The following MCTP1 variants were observed in gnomAD, a reference collection of about 807,000 sequenced individuals.
MCTP1 encodes multiple C2 and transmembrane domain-containing protein 1.
A neutral mutation model predicts 120.6 loss-of-function variants in MCTP1; 69 were observed. That is an observed-to-expected ratio of 0.57 (90% CI 0.47 to 0.70). MCTP1 has a LOEUF of 0.70. Ranked by LOEUF, MCTP1 falls within the 30% of genes least tolerant of loss-of-function variation. The pLI is 0.00. For synonymous variants in MCTP1, 529 were observed against 493.1 expected, an observed-to-expected ratio of 1.07 and a Z score of -0.96; for missense variants, 1,203 against 1,248.8, an observed-to-expected ratio of 0.96 and a Z score of 0.55.
chr5:94,871,035 T>G, intron 14 of MCTP1, 62 bp from the exon 15 acceptor site: 1 of 1,296,666 alleles, frequency 7.7e-7, no homozygotes, highest in South Asian at 1.2e-5. Flanking sequence ...ACTCCCTCAG[T>G]GACCTTTGAC....
intron 1 of MCTP1, among the ~76,000 whole-genome samples, chr5:95,031,402 T>C (rs1483518638): frequency 1.3e-5 from 2 of 151,948 alleles, no homozygotes; most frequent in Non-Finnish European, 1.5e-5. Context: ...CCAAATTACC[T>C]ATAAAGGAAA....
At chr5:95,090,672 C>T (rs1478427157) in intron 1 of MCTP1, among the ~76,000 whole-genome samples, 1 of 152,190 alleles carries the variant, frequency 6.6e-6, no homozygotes, top group Non-Finnish European at 1.5e-5. Flanking sequence ...ATGTAAAATA[C>T]TTAGTTTAAA....
chr5:95,129,238 T>C (rs1215108490), intron 1 of MCTP1, among the ~76,000 whole-genome samples: 4 of 152,180 alleles, frequency 2.6e-5, no homozygotes, highest in East Asian at 1.9e-4. Context: ...AATCAAGTTA[T>C]TGTATTTTTA....
chr5:94,783,603 G>A, intron 18 of MCTP1, among the ~76,000 whole-genome samples: 1 of 152,090 alleles, frequency 6.6e-6, no homozygotes. Context: ...AACCAATGAT[G>A]AAAGGATGAG....
chr5:95,251,407 G>T (rs955547701), intron 1 of MCTP1, among the ~76,000 whole-genome samples: 8 of 152,204 alleles, frequency 5.3e-5, no homozygotes, highest in Admixed American at 2.6e-4. Context: ...GCCAGATCAT[G>T]CAGGTACTCA....
intron 2 of MCTP1, among the ~76,000 whole-genome samples, chr5:94,988,340 C>T (rs751900307): frequency 6.6e-6 from 1 of 151,626 alleles, no homozygotes; most frequent in Non-Finnish European, 1.5e-5. Flanking sequence ...ATTTACAAAG[C>T]TTCACAGAAT....
chr5:95,091,018 C>T (rs1016796487), intron 1 of MCTP1, among the ~76,000 whole-genome samples: 9 of 152,256 alleles, frequency 5.9e-5, no homozygotes, highest in African/African-American at 2.2e-4. Context: ...TACAGTCTAT[C>T]AATCAAATTA....
chr5:94,932,553 T>C (rs1255794424), intron 5 of MCTP1, among the ~76,000 whole-genome samples: 1 of 152,066 alleles, frequency 6.6e-6, no homozygotes, highest in Non-Finnish European at 1.5e-5. Context: ...ATTAGTTAGC[T>C]TGTGTCATAC....
chr5:95,095,005 G>GTTTTTTTTTTTTTTTTT (rs1562138448), intron 1 of MCTP1, among the ~76,000 whole-genome samples: 1 of 79,540 alleles, frequency 1.3e-5, no homozygotes. Flanking sequence ...TGTTATGTTA[G>GTTTTTTTTTTTTTTTTT]ATTTTTTTTT....
intron 1 of MCTP1, among the ~76,000 whole-genome samples, chr5:95,203,725 A>ATCT (rs1296811789): frequency 1.3e-5 from 2 of 152,234 alleles, no homozygotes; most frequent in Admixed American, 1.3e-4. Flanking sequence ...TGAAGGAAAA[A>ATCT]TCTAATACTT....
intron 1 of MCTP1, among the ~76,000 whole-genome samples, chr5:95,089,281 A>T (rs1755673423): frequency 6.6e-6 from 1 of 152,174 alleles, no homozygotes. Flanking sequence ...TAGGAGGTAA[A>T]CATTGGAATA....
chr5:95,206,369 A>C (rs1751613613), intron 1 of MCTP1, among the ~76,000 whole-genome samples: 1 of 152,178 alleles, frequency 6.6e-6, no homozygotes, highest in Admixed American at 6.5e-5. Context: ...GAGGTAATAG[A>C]GACTGAATGG....
At chr5:95,212,083 T>C (rs956820715) in intron 1 of MCTP1, among the ~76,000 whole-genome samples, 3 of 152,002 alleles carry the variant, frequency 2.0e-5, no homozygotes, top group South Asian at 2.1e-4. Flanking sequence ...CAGGAGTTGG[T>C]TTTTTGAAAG....
At chr5:94,893,602 G>A (rs1352780093) in intron 11 of MCTP1, among the ~76,000 whole-genome samples, 1 of 152,238 alleles carries the variant, frequency 6.6e-6, no homozygotes, top group Admixed American at 6.5e-5. Flanking sequence ...GAGATAGCCA[G>A]AATAAATTTG....
At chr5:94,898,372 T>A (rs538618711) in intron 10 of MCTP1, among the ~76,000 whole-genome samples, 3 of 152,254 alleles carry the variant, frequency 2.0e-5, no homozygotes, top group African/African-American at 7.2e-5. Flanking sequence ...CTTGTTGGCT[T>A]GAGGATAAAC....
At chr5:95,092,064 AC>A (rs1755888016) in intron 1 of MCTP1, among the ~76,000 whole-genome samples, 1 of 152,238 alleles carries the variant, frequency 6.6e-6, no homozygotes, top group Non-Finnish European at 1.5e-5. Context: ...TAGAAGCAGA[AC>A]ATTTCACAAA....
intron 3 of MCTP1, among the ~76,000 whole-genome samples, chr5:94,948,750 T>C (rs777219741): frequency 7.2e-5 from 11 of 152,170 alleles, no homozygotes; most frequent in Non-Finnish European, 1.5e-4. Context: ...AATCAGAGTC[T>C]TCTCTGATTC....
chr5:95,261,866 G>A (rs527664523), intron 1 of MCTP1, among the ~76,000 whole-genome samples: 2 of 152,302 alleles, frequency 1.3e-5, no homozygotes, highest in South Asian at 2.1e-4. Context: ...TTGGACAGAA[G>A]GAGAAGTTAA....
At chr5:94,716,499 GCC>G (rs1476566377) in intron 19 of MCTP1, among the ~76,000 whole-genome samples, 2 of 151,938 alleles carry the variant, frequency 1.3e-5, no homozygotes, top group South Asian at 4.1e-4. Flanking sequence ...AAGTTCGTCT[GCC>G]CCAACTGTGT....
Sources: gnomAD v4.1 joint callset for allele counts (sites outside exome capture counted in the v4.1 genomes callset) on GRCh38, gnomAD v4.1.1 for gene constraint, MANE v1.5 for transcripts, NCBI Gene and HGNC (gene_info 2026-07-23, HGNC 2026-07-21) for gene names.